GALNT13: variants seen among roughly 807,000 people sequenced by gnomAD.
GALNT13 encodes the protein polypeptide N-acetylgalactosaminyltransferase 13, also known as UDP-GalNAc:polypeptide N-acetylgalactosaminyltransferase 13.
Under a neutral mutation model 64.2 loss-of-function variants are expected in GALNT13, and 28 were observed. That is an observed-to-expected ratio of 0.44 (90% CI 0.32 to 0.60). The LOEUF (loss-of-function observed/expected upper bound fraction) is 0.60, where lower values mean the gene tolerates loss of function less well. GALNT13 is among the 20% of genes least tolerant of loss of function. GALNT13 has a pLI of 0.05. For missense variants in GALNT13, 577 were observed against 669.8 expected, an observed-to-expected ratio of 0.86 and a Z score of 1.53; for synonymous variants, 214 against 224.6, an observed-to-expected ratio of 0.95 and a Z score of 0.42.
chr2:154,417,513 A>ATTTATTTATTTC (rs1700069867), intron 11 of GALNT13, among the ~76,000 whole-genome samples: 2 of 130,372 alleles, frequency 1.5e-5, no homozygotes, highest in Non-Finnish European at 3.2e-5. Flanking sequence ...TTATTTATTT[A>ATTTATTTATTTC]TTTATTTATT....
intron 9 of GALNT13, among the ~76,000 whole-genome samples, chr2:154,354,786 T>C (rs754355200): frequency 8.5e-5 from 13 of 152,134 alleles, no homozygotes; most frequent in Non-Finnish European, 1.3e-4. Context: ...TGTTTCTGTT[T>C]ATCTGCCAGA....
chr2:154,432,689 T>G (rs1700763356), intron 11 of GALNT13, among the ~76,000 whole-genome samples: 1 of 152,154 alleles, frequency 6.6e-6, no homozygotes, highest in East Asian at 1.9e-4. Flanking sequence ...GATGCATCAT[T>G]CCAGTCTCTA....
the GALNT13 span, among the ~76,000 whole-genome samples, chr2:153,375,728 AG>A: frequency 6.6e-6 from 1 of 152,168 alleles, no homozygotes; most frequent in African/African-American, 2.4e-5. Context: ...GGTCAGTAAA[AG>A]CTTCAAGTAG....
At chr2:153,533,772 G>T in the GALNT13 span, among the ~76,000 whole-genome samples, 8 of 75,232 alleles carry the variant, frequency 1.1e-4, no homozygotes, top group African/African-American at 2.5e-4. Flanking sequence ...AGTATCTATT[G>T]GTATTTCATC....
chr2:153,943,800 T>G (rs1407351720), intron 2 of GALNT13, among the ~76,000 whole-genome samples: 1 of 152,222 alleles, frequency 6.6e-6, no homozygotes, highest in Non-Finnish European at 1.5e-5. Flanking sequence ...CAGCTCTGTT[T>G]TATGTTTTAT....
chr2:154,132,145 T>C (rs1275803924), intron 3 of GALNT13, among the ~76,000 whole-genome samples: 2 of 152,102 alleles, frequency 1.3e-5, no homozygotes, highest in African/African-American at 4.8e-5. Flanking sequence ...GGCCACACCC[T>C]CACAGACACA....
At chr2:153,257,016 C>G in the GALNT13 span, among the ~76,000 whole-genome samples, 125,814 of 152,220 alleles carry the variant, frequency 0.83, 53,195 homozygotes, top group African/African-American at 0.91. Flanking sequence ...TTTACCTAAT[C>G]AAGTCTGGGC....
the GALNT13 span, among the ~76,000 whole-genome samples, chr2:153,679,237 AAGC>A: frequency 2.0e-5 from 3 of 151,988 alleles, no homozygotes; most frequent in Non-Finnish European, 4.4e-5. Flanking sequence ...TAGACTGCCT[AAGC>A]AGCACCCACA....
At chr2:153,863,854 A>G in the GALNT13 span, among the ~76,000 whole-genome samples, 5 of 152,144 alleles carry the variant, frequency 3.3e-5, no homozygotes, top group African/African-American at 1.2e-4. Flanking sequence ...GTATGACCAT[A>G]TGGTATATGT....
chr2:153,139,676 G>A, the GALNT13 span, among the ~76,000 whole-genome samples: 2 of 151,962 alleles, frequency 1.3e-5, no homozygotes, highest in East Asian at 3.9e-4. Context: ...AAATGGCAAG[G>A]CTTCTCAGGA....
chr2:154,160,300 C>T (rs1030713694), intron 4 of GALNT13, among the ~76,000 whole-genome samples: 1 of 152,122 alleles, frequency 6.6e-6, no homozygotes, highest in Non-Finnish European at 1.5e-5. Flanking sequence ...CCAATGACTC[C>T]CACCTGATTT....
the GALNT13 span, among the ~76,000 whole-genome samples, chr2:153,511,538 C>G: frequency 6.6e-6 from 1 of 152,066 alleles, no homozygotes; most frequent in East Asian, 1.9e-4. Context: ...AAGAACATAA[C>G]CACTCTAGGA....
the GALNT13 span, among the ~76,000 whole-genome samples, chr2:153,425,573 A>G: frequency 2.6e-5 from 4 of 151,778 alleles, no homozygotes; most frequent in South Asian, 2.1e-4. Flanking sequence ...TTGTTCTCCT[A>G]TTTCCTTCCC....
At chr2:154,251,010 TCTC>T (rs1690040882) in intron 7 of GALNT13, among the ~76,000 whole-genome samples, 1 of 152,064 alleles carries the variant, frequency 6.6e-6, no homozygotes, top group Non-Finnish European at 1.5e-5. Context: ...TAAAAAATTA[TCTC>T]CTCAGATAAA....
At chr2:154,257,582 T>G (rs1559052320) in intron 7 of GALNT13, 1 of 152,152 alleles carries the variant, frequency 6.6e-6, no homozygotes, top group Non-Finnish European at 1.5e-5. Context: ...AATGATACTG[T>G]TCATGATAGG....
At chr2:153,780,236 T>TATATATATATATATATATGC in the GALNT13 span, among the ~76,000 whole-genome samples, 1 of 11,210 alleles carries the variant, frequency 8.9e-5, no homozygotes, top group African/African-American at 2.0e-4. Flanking sequence ...TATATATATA[T>TATATATATATATATATATGC]ATATATATAT....
At chr2:153,543,003 G>T in the GALNT13 span, among the ~76,000 whole-genome samples, 3 of 152,120 alleles carry the variant, frequency 2.0e-5, no homozygotes, top group African/African-American at 7.2e-5. Flanking sequence ...ATTTTAAAAG[G>T]CTGAGATAAA....
the GALNT13 span, among the ~76,000 whole-genome samples, chr2:153,093,263 G>A: frequency 7.5e-6 from 1 of 134,178 alleles, no homozygotes; most frequent in African/African-American, 2.7e-5. Flanking sequence ...TGTGGACATG[G>A]AGTCTTGCTC....
At chr2:153,476,567 T>C in the GALNT13 span, among the ~76,000 whole-genome samples, 30 of 152,310 alleles carry the variant, frequency 2.0e-4, no homozygotes, top group South Asian at 4.1e-4. Context: ...GAACCTTAAA[T>C]GTGTCAACGG....
Sources: gnomAD v4.1 joint callset for allele counts (sites outside exome capture counted in the v4.1 genomes callset) on GRCh38, gnomAD v4.1.1 for gene constraint, MANE v1.5 for transcripts, NCBI Gene and HGNC (gene_info 2026-07-23, HGNC 2026-07-21) for gene names.